The following ZNF777 variants were observed in gnomAD, a reference collection of about 807,000 sequenced individuals.
ZNF777 encodes zinc finger protein 777.
A neutral mutation model predicts 72.1 loss-of-function variants in ZNF777; 7 were observed. The ratio of observed to expected loss-of-function variants is 0.10; its 90% CI spans 0.06 to 0.18. The LOEUF is 0.18. Among genes scored for constraint, ZNF777 ranks in the 10% least tolerant of loss-of-function variants. The pLI, the probability that ZNF777 is intolerant of heterozygous loss-of-function variation, is 1.00. For missense variants in ZNF777, 828 were observed against 1,128.6 expected (o/e 0.73, Z 3.82); for synonymous variants, 545 against 483.5 (o/e 1.13, Z -1.67).
At chr7:149,441,951 C>G (rs772399948) in intron 4 of ZNF777, among the ~76,000 whole-genome samples, 6 of 151,538 alleles carry the variant, frequency 4.0e-5, no homozygotes, top group Admixed American at 6.6e-5. Context: ...ACACTTGATA[C>G]GAAACCCAGA....
chr7:149,444,462 C>T (rs943678995), intron 4 of ZNF777, among the ~76,000 whole-genome samples: 7 of 152,194 alleles, frequency 4.6e-5, no homozygotes, highest in Admixed American at 1.3e-4. Context: ...GCTGACCTCT[C>T]GGAATGCCCC....
At chr7:149,442,578 C>G (rs1799540637) in intron 4 of ZNF777, among the ~76,000 whole-genome samples, 1 of 151,390 alleles carries the variant, frequency 6.6e-6, no homozygotes, top group African/African-American at 2.4e-5. Flanking sequence ...TGAGATAGCG[C>G]CACTGCACTC....
Position 149,455,986 on chromosome 7 carries a change from T to C in ZNF777, c.37A>G (p.Ser13Gly). The change falls in exon 2 of 6, where the codon AGT (serine) becomes GGT (glycine). Residue 13 changes from serine (S) to glycine (G), a missense_variant. Transcript: ENST00000247930. The surrounding 1 kb of genome is among the most constrained non-coding windows in gnomAD (Gnocchi z 4.2). ...CGTAAGGTTTCTTCTTGTGGAACACTGGGGAACGACAGAGGTGATGAGCGT... is the reference window on the plus strand; with the variant it reads ...CGTAAGGTTTCTTCTTGTGGAACACCGGGGAACGACAGAGGTGATGAGCGT... ...NQRSSPLSFP[S>G]VPQEETLRQA... 2.5e-6 allele frequency: 4 copies of C among 1,606,914 alleles called. No individual in the cohort carries two copies. The highest frequency in any genetic ancestry group is 1.3e-5 in the African/African-American group (1 of 74,560).
At chr7:149,433,396 C>T (rs1277296716) in intron 5 of ZNF777, among the ~76,000 whole-genome samples, 1 of 152,188 alleles carries the variant, frequency 6.6e-6, no homozygotes, top group South Asian at 2.1e-4. Context: ...CATTAGGCTA[C>T]TTAAAGGTTG....
rs779857116 is a variant in ZNF777 at position 149,455,246 on chromosome 7, C to T, written c.777G>A (p.Glu259=). 1 of 1,614,232 alleles carries T rather than the reference C, an allele frequency of 6.2e-7. No homozygotes were observed. Among genetic ancestry groups the T allele is most frequent in the Non-Finnish European group, 8.5e-7 (1 of 1,180,048 alleles). The part of the protein sequence containing the change: ...GLLQRRLENM[E]NLLKNRNFWI... ...AGAAATTTCTGTTTTTCAGCAGGTT[C>T]TCCATGTTCTCCAGCCGCCTCTGCA... is the stretch of plus-strand genomic sequence containing the variant. The change falls in exon 2 of 6, where the codon GAG becomes GAA. Residue 259 remains glutamate (E), a synonymous_variant. Coordinates refer to ENST00000247930, the MANE Select transcript of ZNF777 (RefSeq NM_015694.3). The surrounding 1 kb of genome is among the most constrained non-coding windows in gnomAD (Gnocchi z 4.2).
Position 149,431,847 on chromosome 7 carries a change from T to A in ZNF777, c.2425A>T (p.Thr809Ser), listed in dbSNP as rs753346460. Residue 809 changes from threonine to serine, a missense_variant, in exon 6 of 6, where the codon ACG (threonine) becomes TCG (serine). Thr to Ser is a moderately conservative substitution (Grantham distance 58). Around this residue, in one of 12 missense-constraint regions of ZNF777, gnomAD observed 17 missense variants for 36.1 expected, o/e 0.47. Coordinates refer to ENST00000247930, the MANE Select transcript of ZNF777 (RefSeq NM_015694.3). ...AHTGERPYPCTHCAKCFRYKQ... is the reference protein window; with the variant it reads ...AHTGERPYPCSHCAKCFRYKQ... ...TAGCGGAAGCACTTGGCGCAGTGCG[T>A]GCAGGGGTAGGGCCGCTCGCCCGTG... The A allele has an allele frequency of 2.5e-6, 4 of 1,604,510 alleles. No individual in the cohort carries two copies. The Admixed American group carries it at 6.7e-5, about 27-fold the overall frequency.
At position 149,436,801 on chromosome 7, in the gene ZNF777, G is replaced by A. The variant is rs372038159; in HGVS notation, c.1113C>T (p.Ile371=). Residue 371 remains isoleucine (I), a synonymous_variant, in exon 5 of 6, where the codon ATC becomes ATT. Coordinates refer to ENST00000247930, the MANE Select transcript of ZNF777 (RefSeq NM_015694.3). This position sits in a 1 kb window ranked among gnomAD's most constrained non-coding sequence, Gnocchi z 5.0. ...AGCCCTCGTCGTTGGTCTGTACCTC[G>A]ATCTTAATCACGATCCCATCGTGCG... ...SAAHDGIVIK[I]EVQTNDEGSE... is the part of the protein sequence containing the mutation. 835 of 1,612,648 alleles carry A rather than the reference G, an allele frequency of 5.2e-4. No individual in the cohort carries two copies. The highest frequency in any genetic ancestry group is 6.5e-4 in the Non-Finnish European group (768 of 1,178,890).
intron 4 of ZNF777, among the ~76,000 whole-genome samples, chr7:149,449,219 C>T (rs1799671049): frequency 6.6e-6 from 1 of 152,170 alleles, no homozygotes; most frequent in Non-Finnish European, 1.5e-5. Context: ...CTATGTCCTC[C>T]CCTTTCCTCC....
At chr7:149,459,593 G>T in intron 1 of ZNF777, 13 of 974,550 alleles carry the variant, frequency 1.3e-5, no homozygotes, top group Non-Finnish European at 1.6e-5. Context: ...CCCCCTCCCC[G>T]TCCAGGCCCG....
intron 4 of ZNF777, among the ~76,000 whole-genome samples, chr7:149,441,025 C>T (rs1799505176): frequency 6.6e-6 from 1 of 152,308 alleles, no homozygotes; most frequent in African/African-American, 2.4e-5. Context: ...GTGGCACATA[C>T]TCTACTCTTC....
At chr7:149,450,513 C>T (rs781308209) in intron 4 of ZNF777, among the ~76,000 whole-genome samples, 2 of 152,208 alleles carry the variant, frequency 1.3e-5, no homozygotes, top group South Asian at 2.1e-4. Flanking sequence ...ATGAGCCACA[C>T]GGCCTCTGGT....
chr7:149,439,877 T>C (rs1038219659), intron 4 of ZNF777, among the ~76,000 whole-genome samples: 1 of 152,220 alleles, frequency 6.6e-6, no homozygotes, highest in Non-Finnish European at 1.5e-5. Context: ...GTATCTCTTA[T>C]AAGGATGAAT....
At chr7:149,450,215 C>T (rs1799688502) in intron 4 of ZNF777, among the ~76,000 whole-genome samples, 1 of 152,198 alleles carries the variant, frequency 6.6e-6, no homozygotes, top group African/African-American at 2.4e-5. Context: ...GCAGGGGCTT[C>T]AGAGAGCAAC....
chr7:149,454,278 C>T, intron 2 of ZNF777, 41 bp from the exon 3 acceptor site: 1 of 1,611,958 alleles, frequency 6.2e-7, no homozygotes, highest in Non-Finnish European at 8.5e-7. Context: ...CGCTGGAAGG[C>T]AGTGACAGGC....
Position 149,455,927 on chromosome 7 carries a change from C to T in ZNF777, c.96G>A (p.Leu32=). ...TGGGAGGAAGAACGCGGGATTGGAA[C>T]AGAGTTTCTCGGGGGAGTCCAGCAG... ...QAPAGLPRET[L]FQSRVLPPKE... Residue 32 remains leucine (L), a synonymous_variant, in exon 2 of 6, where the codon CTG becomes CTA. Coordinates refer to ENST00000247930, the MANE Select transcript of ZNF777 (RefSeq NM_015694.3). The surrounding 1 kb of genome is among the most constrained non-coding windows in gnomAD (Gnocchi z 4.2). 1.9e-6 allele frequency: 3 copies of T among 1,613,638 alleles called. No homozygotes were observed. The highest frequency in any genetic ancestry group is 2.5e-6 in the Non-Finnish European group (3 of 1,179,956).
chr7:149,454,355 G>T (rs1243961083), intron 2 of ZNF777, 118 bp from the exon 3 acceptor site: 2 of 1,327,668 alleles, frequency 1.5e-6, no homozygotes, highest in African/African-American at 1.5e-5. Context: ...TTTTCTAGAA[G>T]TCTGGCCACT....
At chr7:149,457,991 G>A (rs1032660668) in intron 1 of ZNF777, among the ~76,000 whole-genome samples, 2 of 152,186 alleles carry the variant, frequency 1.3e-5, no homozygotes, top group Non-Finnish European at 2.9e-5. Flanking sequence ...TGGCCAGGCA[G>A]GTGTGTGCTC....
chr7:149,448,590 T>A (rs1352230894), intron 4 of ZNF777, among the ~76,000 whole-genome samples: 1 of 50,806 alleles, frequency 2.0e-5, no homozygotes, highest in Admixed American at 2.1e-4. Flanking sequence ...TATATATATA[T>A]ATATATATAT....
chr7:149,457,418 T>C (rs1041483589), intron 1 of ZNF777, among the ~76,000 whole-genome samples: 10 of 152,240 alleles, frequency 6.6e-5, no homozygotes, highest in Admixed American at 6.5e-4. Context: ...CCGTTGAAAA[T>C]TGGCATAGCC....
Sources: gnomAD v4.1 joint callset for allele counts (sites outside exome capture counted in the v4.1 genomes callset) on GRCh38, gnomAD v4.1.1 for gene constraint, gnomAD v4.1.1 regional missense constraint, Gnocchi (gnomAD v3.1) non-coding constraint, MANE v1.5 for transcripts, NCBI Gene and HGNC (gene_info 2026-07-23, HGNC 2026-07-21) for gene names.